The following CLMP variants were observed in gnomAD, a reference collection of about 807,000 sequenced individuals.
CLMP encodes CXADR like cell adhesion molecule, also known as CXADR-like membrane protein.
A neutral mutation model predicts 45.2 loss-of-function variants in CLMP; 27 were observed. That is an observed-to-expected ratio of 0.60 (90% CI 0.44 to 0.82). The LOEUF (loss-of-function observed/expected upper bound fraction) is 0.82, where lower values mean the gene tolerates loss of function less well. Ranked by LOEUF, CLMP falls within the 40% of genes least tolerant of loss-of-function variation. The pLI is 0.00. For synonymous variants in CLMP, 167 were observed against 171.4 expected (o/e 0.97, Z 0.20); for missense variants, 403 against 448.4 (o/e 0.90, Z 0.91).
intron 1 of CLMP, among the ~76,000 whole-genome samples, chr11:123,151,401 T>A (rs1260870271): frequency 6.6e-6 from 1 of 152,256 alleles, no homozygotes; most frequent in Non-Finnish European, 1.5e-5. Context: ...TCTAAGCCAC[T>A]GGCACTTGTC....
chr11:123,183,376 A>G (rs11219053), intron 1 of CLMP, among the ~76,000 whole-genome samples: 76,514 of 151,842 alleles, frequency 0.5, 20,036 homozygotes, highest in East Asian at 0.66. Flanking sequence ...GATTACAGGC[A>G]CCCACCATCA....
chr11:123,118,817 C>T (rs993718138), intron 1 of CLMP, among the ~76,000 whole-genome samples: 28 of 152,156 alleles, frequency 1.8e-4, no homozygotes, highest in African/African-American at 6.5e-4. Context: ...GGCTGCCTCA[C>T]ACTCACGTAC....
In CLMP at chr11:123,150,480, A is replaced by AAAAAGG. The variant is rs1861307477; in HGVS notation, c.28+44432_28+44433insCCTTTT. ...GAAAGAAAGAAAGAAAGAAAGAAAG[A>AAAAAGG]AAGGAAGGAAGGAAGGAAGGAAGGA... On this transcript the variant is annotated intron_variant, in intron 1 of 6. Coordinates refer to ENST00000448775, the MANE Select transcript of CLMP (RefSeq NM_024769.5). Among the ~76,000 whole-genome samples, 53 of 40,986 alleles carry AAAAAGG rather than the reference A, an allele frequency of 1.3e-3. 2 individuals carry two copies. Among genetic ancestry groups the AAAAAGG allele is most frequent in the Middle Eastern group, 0.012 (1 of 86 alleles). 26.9% of individuals were successfully genotyped at this position (40,986 alleles called of 152,430 possible). A position where few individuals can be genotyped will look rare whatever the true frequency, so the allele number is the denominator to read the frequency against.
intron 1 of CLMP, among the ~76,000 whole-genome samples, chr11:123,133,736 T>C (rs1033127990): frequency 6.6e-6 from 1 of 152,124 alleles, no homozygotes; most frequent in Admixed American, 6.6e-5. Context: ...AAGCCCCTGA[T>C]ATGAGAGGCA....
intron 1 of CLMP, among the ~76,000 whole-genome samples, chr11:123,174,689 C>T (rs11219043): frequency 0.58 from 88,538 of 151,546 alleles, 25,989 homozygotes; most frequent in African/African-American, 0.65. Flanking sequence ...GAGGTGGCAA[C>T]CTAATGTCCT....
chr11:123,095,136 T>C (rs1360811565), intron 2 of CLMP, among the ~76,000 whole-genome samples: 1 of 152,226 alleles, frequency 6.6e-6, no homozygotes, highest in African/African-American at 2.4e-5. Flanking sequence ...TTGTGACTGC[T>C]TAAAGCCATA....
At position 123,141,173 on chromosome 11, in the gene CLMP, C is replaced by CTTTTTTTTTTT. The variant is rs550888215; in HGVS notation, c.29-43232_29-43222dup. Among the ~76,000 whole-genome samples the CTTTTTTTTTTT allele has an allele frequency of 5.4e-4, 44 of 80,842 alleles. 3 individuals carry two copies. Among genetic ancestry groups the CTTTTTTTTTTT allele is most frequent in the Non-Finnish European group, 6.7e-4 (30 of 45,064 alleles). 53.0% of individuals were successfully genotyped at this position (80,842 alleles called of 152,430 possible). ...GTACATTATCCAATCTCAGGCATTCCTTTTTTTTTTTTTTTTTTTTTTTTT... is the reference window on the plus strand; with the variant it reads ...GTACATTATCCAATCTCAGGCATTCCTTTTTTTTTTTTTTTTTTTTTTTTTTTTTTTTTTTT... On this transcript the variant is annotated intron_variant, in intron 1 of 6. Transcript: ENST00000448775.
chr11:123,124,403 C>G (rs1429872869), intron 1 of CLMP, among the ~76,000 whole-genome samples: 2 of 152,164 alleles, frequency 1.3e-5, no homozygotes, highest in Non-Finnish European at 2.9e-5. Context: ...CCCACAAAAC[C>G]CCTCTTAAAT....
chr11:123,182,038 A>G (rs189253161), intron 1 of CLMP, among the ~76,000 whole-genome samples: 5 of 152,368 alleles, frequency 3.3e-5, no homozygotes, highest in Admixed American at 3.3e-4. Context: ...CTAGAAATAC[A>G]AATGTCTTTT....
chr11:123,145,915 C>T (rs1258289013), intron 1 of CLMP, among the ~76,000 whole-genome samples: 1 of 152,208 alleles, frequency 6.6e-6, no homozygotes, highest in Non-Finnish European at 1.5e-5. Flanking sequence ...TCTTCAGCTC[C>T]CACCTATAGC....
chr11:123,129,394 A>T lies in CLMP; in HGVS notation c.29-31442T>A, dbSNP rs576606783. 9.4e-3 allele frequency among the ~76,000 whole-genome samples: 1,325 copies of T among 141,640 alleles called. 42 individuals are homozygous for T. Among genetic ancestry groups the T allele is most frequent in the African/African-American group, 0.033 (1,233 of 37,412 alleles). The allele number at this position is 141,640 out of a possible 152,430, so 92.9% of individuals were successfully genotyped here. On this transcript the variant is annotated intron_variant, in intron 1 of 6. Coordinates refer to ENST00000448775, the MANE Select transcript of CLMP (RefSeq NM_024769.5). ...TAAAATATATATCATATGATATATTATATAAAATATATATCATATGATATA... is the reference window on the plus strand; with the variant it reads ...TAAAATATATATCATATGATATATTTTATAAAATATATATCATATGATATA...
At chr11:123,078,129 T>A (rs1211538906) in intron 5 of CLMP, among the ~76,000 whole-genome samples, 1 of 151,992 alleles carries the variant, frequency 6.6e-6, no homozygotes, top group Non-Finnish European at 1.5e-5. Flanking sequence ...AAAAAAATCA[T>A]TATTTTCCAT....
At chr11:123,153,855 T>TTC (rs1480615133) in intron 1 of CLMP, among the ~76,000 whole-genome samples, 18 of 150,538 alleles carry the variant, frequency 1.2e-4, no homozygotes, top group Non-Finnish European at 2.5e-4. Flanking sequence ...ACTTTTTTTT[T>TTC]TTTTTTTTTT....
At chr11:123,113,995 G>A (rs771328970) in intron 1 of CLMP, among the ~76,000 whole-genome samples, 3 of 152,110 alleles carry the variant, frequency 2.0e-5, no homozygotes, top group East Asian at 1.9e-4. Context: ...TTTTGATTCC[G>A]AGACTCTCAG....
At chr11:123,171,843 G>T (rs1462106924) in intron 1 of CLMP, among the ~76,000 whole-genome samples, 1 of 152,112 alleles carries the variant, frequency 6.6e-6, no homozygotes, top group South Asian at 2.1e-4. Flanking sequence ...TTTAAAAATA[G>T]AAGTTATACA....
At chr11:123,188,355 C>G (rs1861860414) in intron 1 of CLMP, among the ~76,000 whole-genome samples, 1 of 152,162 alleles carries the variant, frequency 6.6e-6, no homozygotes, top group South Asian at 2.1e-4. Context: ...GCTCTGTAAA[C>G]ACCAGGAGGT....
At chr11:123,169,610 A>G (rs913621656) in intron 1 of CLMP, among the ~76,000 whole-genome samples, 6 of 152,178 alleles carry the variant, frequency 3.9e-5, no homozygotes, top group African/African-American at 1.4e-4. Context: ...TTGCAATCAT[A>G]GTGTCAATAA....
At chr11:123,140,182 T>C (rs1410596526) in intron 1 of CLMP, among the ~76,000 whole-genome samples, 1 of 152,050 alleles carries the variant, frequency 6.6e-6, no homozygotes, top group Non-Finnish European at 1.5e-5. Flanking sequence ...TGGGATGCGG[T>C]GTTGATGGGG....
intron 1 of CLMP, among the ~76,000 whole-genome samples, chr11:123,194,175 G>C (rs1861946897): frequency 6.6e-6 from 1 of 152,062 alleles, no homozygotes; most frequent in African/African-American, 2.4e-5. Context: ...CCCAGGAAGG[G>C]ACGCTCAGGA....
Sources: gnomAD v4.1 joint callset for allele counts (sites outside exome capture counted in the v4.1 genomes callset) on GRCh38, gnomAD v4.1.1 for gene constraint, MANE v1.5 for transcripts, NCBI Gene and HGNC (gene_info 2026-07-23, HGNC 2026-07-21) for gene names.